MARCHF8: variants seen among roughly 807,000 people sequenced by gnomAD.
MARCHF8 encodes membrane associated ring-CH-type finger 8.
Under a neutral mutation model 51.6 loss-of-function variants are expected in MARCHF8, and 40 were observed. The ratio of observed to expected loss-of-function variants is 0.77; its 90% CI spans 0.60 to 1.01. The LOEUF (loss-of-function observed/expected upper bound fraction) is 1.01. MARCHF8 is among the 50% of genes least tolerant of loss of function. The pLI, the probability that MARCHF8 is intolerant of heterozygous loss-of-function variation, is 0.00. For synonymous variants in MARCHF8, 263 were observed against 280.3 expected, an observed-to-expected ratio of 0.94 and a Z score of 0.62; for missense variants, 685 against 708.6, an observed-to-expected ratio of 0.97 and a Z score of 0.38.
At chr10:45,469,217 G>T (rs981315966) in intron 3 of MARCHF8, among the ~76,000 whole-genome samples, 2 of 152,116 alleles carry the variant, frequency 1.3e-5, no homozygotes, top group Admixed American at 1.3e-4. Flanking sequence ...AGACTACTCA[G>T]GAGGGAGACC....
chr10:45,488,642 C>T (rs1016049329), intron 3 of MARCHF8, among the ~76,000 whole-genome samples: 1 of 152,194 alleles, frequency 6.6e-6, no homozygotes, highest in Non-Finnish European at 1.5e-5. Context: ...CACTCCCTGG[C>T]GCCAAGGTTC....
intron 2 of MARCHF8, among the ~76,000 whole-genome samples, chr10:45,515,311 G>A (rs939018585): frequency 2.4e-4 from 36 of 152,126 alleles, no homozygotes; most frequent in African/African-American, 7.0e-4. Context: ...TCCCATAGCC[G>A]TCCTTTTTTC....
intron 1 of MARCHF8, among the ~76,000 whole-genome samples, chr10:45,587,547 A>C (rs1394095287): frequency 6.6e-6 from 1 of 152,182 alleles, no homozygotes; most frequent in Non-Finnish European, 1.5e-5. Context: ...TTGAAACCAC[A>C]AGTTGTTTTC....
chr10:45,594,820 T>C (rs2044722616), exon 1 of MARCHF8: 1 of 152,444 alleles, frequency 6.6e-6, no homozygotes, highest in Non-Finnish European at 1.5e-5. Flanking sequence ...GCCTCGAGCA[T>C]GCCCGAGACG....
intron 1 of MARCHF8, among the ~76,000 whole-genome samples, chr10:45,572,931 C>T (rs2133395966): frequency 6.6e-6 from 1 of 152,198 alleles, no homozygotes; most frequent in Middle Eastern, 3.4e-3. Context: ...TTATCACCTC[C>T]CCCTCCTCAC....
intron 2 of MARCHF8, among the ~76,000 whole-genome samples, chr10:45,522,884 C>T (rs1368172491): frequency 2.0e-5 from 3 of 152,060 alleles, no homozygotes; most frequent in Non-Finnish European, 2.9e-5. Flanking sequence ...TGTGATGGCT[C>T]GTGTCTATAA....
At chr10:45,492,514 G>T (rs1423395050) in intron 2 of MARCHF8, among the ~76,000 whole-genome samples, 1 of 152,058 alleles carries the variant, frequency 6.6e-6, no homozygotes, top group Non-Finnish European at 1.5e-5. Context: ...AGCCAGGATG[G>T]TCTCGATCTC....
chr10:45,458,087 G>A lies in MARCHF8; in HGVS notation c.*152C>T. 1 of 832,464 alleles carries A rather than the reference G, an allele frequency of 1.2e-6. No homozygotes were observed. The highest frequency in any genetic ancestry group is 1.8e-6 in the Non-Finnish European group (1 of 557,594). 51.6% of individuals were successfully genotyped at this position (832,464 alleles called of 1,614,324 possible). On this transcript the variant is annotated 3_prime_UTR_variant, in exon 8 of 8. Transcript: ENST00000453424. The stretch of plus-strand genomic sequence containing the variant: ...TGGCCCACAGGAAGGTTTTCTAGGA[G>A]ACTAAGGAGGGTTTAGAAAAAGAGA...
intron 1 of MARCHF8, among the ~76,000 whole-genome samples, chr10:45,572,757 C>T (rs1230006466): frequency 6.6e-6 from 1 of 152,074 alleles, no homozygotes; most frequent in Non-Finnish European, 1.5e-5. Flanking sequence ...TCTACTGACC[C>T]ATCTGACCTC....
At chr10:45,553,487 A>G (rs1272188164) in intron 1 of MARCHF8, among the ~76,000 whole-genome samples, 1 of 152,202 alleles carries the variant, frequency 6.6e-6, no homozygotes, top group Non-Finnish European at 1.5e-5. Flanking sequence ...TACTTCCTGA[A>G]GTCAAGTTGT....
intron 2 of MARCHF8, among the ~76,000 whole-genome samples, chr10:45,512,659 G>A (rs2043547210): frequency 6.6e-6 from 1 of 151,590 alleles, no homozygotes; most frequent in Non-Finnish European, 1.5e-5. Flanking sequence ...GGGCGCCTCT[G>A]CCCGGCCGTC....
chr10:45,469,721 C>T (rs923897911), intron 3 of MARCHF8, among the ~76,000 whole-genome samples: 1 of 151,616 alleles, frequency 6.6e-6, no homozygotes, highest in Admixed American at 6.6e-5. Flanking sequence ...AAAAATTAGC[C>T]AGGCGTGGTG....
intron 3 of MARCHF8, among the ~76,000 whole-genome samples, chr10:45,486,587 A>G (rs1302468102): frequency 1.3e-5 from 2 of 152,122 alleles, no homozygotes; most frequent in Non-Finnish European, 2.9e-5. Context: ...GCAAGAAGGA[A>G]AAAATAATGT....
intron 2 of MARCHF8, among the ~76,000 whole-genome samples, chr10:45,507,206 C>T (rs1403732124): frequency 6.6e-6 from 1 of 151,830 alleles, no homozygotes; most frequent in Non-Finnish European, 1.5e-5. Context: ...TACAACACTA[C>T]GTGTGAGGTA....
intron 1 of MARCHF8, among the ~76,000 whole-genome samples, chr10:45,555,724 AC>A (rs747588315): frequency 2.0e-5 from 3 of 150,592 alleles, no homozygotes; most frequent in Non-Finnish European, 4.4e-5. Context: ...AGCCTGAGCG[AC>A]ATTGTAAGAC....
At chr10:45,471,433 C>T (rs1028035857) in intron 3 of MARCHF8, among the ~76,000 whole-genome samples, 4 of 152,222 alleles carry the variant, frequency 2.6e-5, no homozygotes, top group Non-Finnish European at 5.9e-5. Flanking sequence ...GGTGGCTTCA[C>T]AGTCCCAGAA....
intron 3 of MARCHF8, among the ~76,000 whole-genome samples, chr10:45,485,297 A>C (rs1263287439): frequency 6.6e-6 from 1 of 152,226 alleles, no homozygotes; most frequent in Non-Finnish European, 1.5e-5. Flanking sequence ...TGAAAAATAA[A>C]AGGAAAAGGT....
exon 1 of MARCHF8, chr10:45,594,854 C>G (rs2044723343): frequency 1.3e-5 from 2 of 152,412 alleles, no homozygotes; most frequent in African/African-American, 2.4e-5. Context: ...GCCGCACCTC[C>G]CCCAGCGCGT....
At chr10:45,495,098 C>T (rs1265305532) in intron 2 of MARCHF8, among the ~76,000 whole-genome samples, 1 of 141,704 alleles carries the variant, frequency 7.1e-6, no homozygotes, top group Non-Finnish European at 1.5e-5. Context: ...CCAGCCTGGG[C>T]AACAAAAGCA....
Sources: allele counts gnomAD v4.1 joint callset (sites outside exome capture counted in the v4.1 genomes callset), GRCh38; gene constraint gnomAD v4.1.1; transcripts MANE v1.5; gene names NCBI Gene and HGNC (gene_info 2026-07-23, HGNC 2026-07-21).